The following RUNDC3B variants were observed in gnomAD, a reference collection of about 807,000 sequenced individuals.
The protein encoded by RUNDC3B is RUN domain-containing protein 3B.
In RUNDC3B, 33 loss-of-function variants were observed where a neutral mutation model predicts 58.4. That is an observed-to-expected ratio of 0.56 (90% CI 0.43 to 0.75). RUNDC3B has a LOEUF of 0.75. RUNDC3B is among the 30% of genes least tolerant of loss of function. The pLI is 0.00. For missense variants in RUNDC3B, 501 were observed against 535.7 expected (o/e 0.94, Z 0.64); for synonymous variants, 193 against 195.2 (o/e 0.99, Z 0.10).
At chr7:87,714,519 TA>T (rs1830371645) in intron 4 of RUNDC3B, among the ~76,000 whole-genome samples, 1 of 152,190 alleles carries the variant, frequency 6.6e-6, no homozygotes. Flanking sequence ...TGTGTGTTAG[TA>T]ATTTCTAACA....
intron 10 of RUNDC3B, among the ~76,000 whole-genome samples, chr7:87,825,676 C>T (rs1211813745): frequency 2.6e-5 from 4 of 152,192 alleles, no homozygotes; most frequent in African/African-American, 7.2e-5. Flanking sequence ...TTAGCACCAG[C>T]CTGTGAAGGC....
chr7:87,658,908 C>G (rs963507049), intron 2 of RUNDC3B, among the ~76,000 whole-genome samples: 4 of 152,128 alleles, frequency 2.6e-5, no homozygotes, highest in Non-Finnish European at 5.9e-5. Flanking sequence ...GAACTTTAGG[C>G]TGGGAGGCCA....
At chr7:87,747,890 C>T (rs1451710237) in intron 6 of RUNDC3B, among the ~76,000 whole-genome samples, 1 of 152,170 alleles carries the variant, frequency 6.6e-6, no homozygotes, top group Non-Finnish European at 1.5e-5. Context: ...GCTTGAAAAC[C>T]TGCCACAGGC....
intron 1 of RUNDC3B, among the ~76,000 whole-genome samples, chr7:87,634,661 C>T (rs1821584548): frequency 6.6e-6 from 1 of 151,856 alleles, no homozygotes; most frequent in Non-Finnish European, 1.5e-5. Context: ...ACTTTAAATC[C>T]AGTGATTTAC....
chr7:87,718,404 A>T (rs1346548233), intron 4 of RUNDC3B, among the ~76,000 whole-genome samples: 1 of 152,158 alleles, frequency 6.6e-6, no homozygotes, highest in Non-Finnish European at 1.5e-5. Context: ...GAAAAAGGTT[A>T]GCATAAACTA....
Position 87,688,436 on chromosome 7 carries a change from G to A in RUNDC3B, c.239-11985G>A, listed in dbSNP as rs528538298. Among the ~76,000 whole-genome samples the A allele has an allele frequency of 2.0e-5, 3 of 151,508 alleles. No individual in the cohort carries two copies. In the East Asian group the frequency reaches 5.8e-4, roughly 29 times the overall value. ...TTTATACGTATTTAGAAATGAAATT[G>A]AATATATTTTCATGTTTGTTTTTTT... is the stretch of plus-strand genomic sequence containing the variant. On this transcript the variant is annotated intron_variant, in intron 2 of 10. Transcript: ENST00000394654.
At chr7:87,820,344 GT>G (rs1411058387) in intron 10 of RUNDC3B, among the ~76,000 whole-genome samples, 2 of 152,046 alleles carry the variant, frequency 1.3e-5, no homozygotes, top group Non-Finnish European at 2.9e-5. Context: ...CCAGGAAGAA[GT>G]TTAATCTCTG....
chr7:87,815,668 T>C (rs1836988082), intron 9 of RUNDC3B, among the ~76,000 whole-genome samples: 1 of 152,130 alleles, frequency 6.6e-6, no homozygotes, highest in Admixed American at 6.5e-5. Context: ...GAATTTGTAA[T>C]AATAATTTGT....
intron 4 of RUNDC3B, among the ~76,000 whole-genome samples, chr7:87,736,878 TATATATATATA>T (rs1240836238): frequency 4.2e-4 from 16 of 37,938 alleles, no homozygotes; most frequent in African/African-American, 1.6e-3. Flanking sequence ...TATATATATA[TATATATATATA>T]TTTTTTTTTT....
At chr7:87,697,106 C>G (rs907538163) in intron 2 of RUNDC3B, among the ~76,000 whole-genome samples, 1 of 152,176 alleles carries the variant, frequency 6.6e-6, no homozygotes, top group African/African-American at 2.4e-5. Flanking sequence ...AAACCATGTC[C>G]TATGCCAAAG....
rs772737318 is a variant in RUNDC3B at position 87,628,944 on chromosome 7, A to T, written c.121A>T (p.Arg41Trp). The change falls in exon 1 of 11, where the codon AGG becomes TGG. Residue 41 changes from arginine to tryptophan, a missense_variant and splice_region_variant. Physicochemically the swap from Arg to Trp is moderately radical, Grantham distance 101. Transcript: ENST00000394654. ...GAGGAGGAACCTGATCACCGTGTGC[A>T]GGTACGGCAGCGCAGGGCGAGGGGA... Reference protein sequence around the residue: ...VERRNLITVCRFSVKTLIDRS... With the variant: ...VERRNLITVCWFSVKTLIDRS... 2 of 1,309,572 alleles carry T rather than the reference A, an allele frequency of 1.5e-6. No homozygotes were observed. The highest frequency in any genetic ancestry group is 2.0e-6 in the Non-Finnish European group (2 of 1,020,352). The allele number at this position is 1,309,572 out of a possible 1,614,324, so 81.1% of individuals were successfully genotyped here.
intron 2 of RUNDC3B, among the ~76,000 whole-genome samples, chr7:87,700,150 A>G (rs1828893957): frequency 6.6e-6 from 1 of 152,132 alleles, no homozygotes; most frequent in South Asian, 2.1e-4. Context: ...AGATATTTCT[A>G]GTGTCTAGTC....
chr7:87,746,037 C>T (rs779346498), intron 6 of RUNDC3B, among the ~76,000 whole-genome samples: 4 of 151,880 alleles, frequency 2.6e-5, no homozygotes, highest in African/African-American at 9.7e-5. Context: ...TTTTTATTTC[C>T]ATCATTATTT....
chr7:87,801,875 C>G (rs1252171869), intron 8 of RUNDC3B, among the ~76,000 whole-genome samples: 1 of 152,104 alleles, frequency 6.6e-6, no homozygotes, highest in Non-Finnish European at 1.5e-5. Flanking sequence ...TGAATTTTAG[C>G]AAATTACATA....
chr7:87,666,634 G>T (rs1034350096), intron 2 of RUNDC3B, among the ~76,000 whole-genome samples: 7 of 151,924 alleles, frequency 4.6e-5, no homozygotes, highest in Non-Finnish European at 4.4e-5. Context: ...TTTACATTTA[G>T]GTCTTTAATC....
Position 87,803,512 on chromosome 7 carries a change from A to G in RUNDC3B, c.957-3861A>G, listed in dbSNP as rs17149907. 7.0e-3 allele frequency among the ~76,000 whole-genome samples: 1,071 copies of G among 152,340 alleles called. 8 individuals carry two copies. Among genetic ancestry groups the G allele is most frequent in the East Asian group, 0.05 (259 of 5,184 alleles). ...TGACAGATTTTTATCTGCAGAGTAAAAGATCTTTATGCAAAAGCAAGATAG... is the reference window on the plus strand; with the variant it reads ...TGACAGATTTTTATCTGCAGAGTAAGAGATCTTTATGCAAAAGCAAGATAG... On this transcript the variant is annotated intron_variant, in intron 8 of 10. Coordinates refer to ENST00000394654, the MANE Select transcript of RUNDC3B (RefSeq NM_001134405.2).
intron 1 of RUNDC3B, among the ~76,000 whole-genome samples, chr7:87,632,360 CAT>C (rs1271899872): frequency 3.9e-5 from 6 of 152,084 alleles, no homozygotes; most frequent in Non-Finnish European, 7.4e-5. Flanking sequence ...AATTTTGGCT[CAT>C]GTGTGATTGT....
intron 2 of RUNDC3B, among the ~76,000 whole-genome samples, chr7:87,690,716 A>G (rs1165763312): frequency 6.6e-6 from 1 of 152,156 alleles, no homozygotes; most frequent in African/African-American, 2.4e-5. Flanking sequence ...CCTTAACAGT[A>G]TTAGTAATAG....
intron 1 of RUNDC3B, among the ~76,000 whole-genome samples, chr7:87,649,885 C>G (rs756562819): frequency 6.6e-6 from 1 of 152,162 alleles, no homozygotes; most frequent in Non-Finnish European, 1.5e-5. Flanking sequence ...CCTACACATG[C>G]TCTCTTGCGT....
Sources: gnomAD v4.1 joint callset for allele counts (sites outside exome capture counted in the v4.1 genomes callset) on GRCh38, gnomAD v4.1.1 for gene constraint, MANE v1.5 for transcripts, NCBI Gene and HGNC (gene_info 2026-07-23, HGNC 2026-07-21) for gene names.